The following MECOM variants were observed in gnomAD, a reference collection of about 807,000 sequenced individuals.
MECOM encodes histone-lysine N-methyltransferase MECOM.
Under a neutral mutation model 116.3 loss-of-function variants are expected in MECOM, and 13 were observed. That is an observed-to-expected ratio of 0.11 (90% CI 0.07 to 0.18). MECOM has a LOEUF of 0.18. Among genes scored for constraint, MECOM ranks in the 10% least tolerant of loss-of-function variants. MECOM has a pLI of 1.00. For missense variants in MECOM, 1,299 were observed against 1,509.0 expected, an observed-to-expected ratio of 0.86 and a Z score of 2.31; for synonymous variants, 528 against 535.2, an observed-to-expected ratio of 0.99 and a Z score of 0.19.
At chr3:169,638,216 AT>A (rs1218782217) in intron 1 of MECOM, among the ~76,000 whole-genome samples, 4 of 152,136 alleles carry the variant, frequency 2.6e-5, no homozygotes, top group Non-Finnish European at 5.9e-5. Context: ...TTAGTACTAC[AT>A]TTCAAATTTT....
intron 3 of MECOM, among the ~76,000 whole-genome samples, chr3:169,140,273 G>A (rs538942214): frequency 5.3e-5 from 8 of 152,054 alleles, no homozygotes; most frequent in South Asian, 4.2e-4. Context: ...GCTAAACACC[G>A]TGCCACAGCC....
intron 1 of MECOM, among the ~76,000 whole-genome samples, chr3:169,520,130 G>A (rs1281364839): frequency 6.6e-6 from 1 of 152,192 alleles, no homozygotes; most frequent in African/African-American, 2.4e-5. Flanking sequence ...TAACCAACAT[G>A]GAAGAAAGCA....
chr3:169,194,303 G>C (rs930736310), intron 2 of MECOM, among the ~76,000 whole-genome samples: 1 of 151,972 alleles, frequency 6.6e-6, no homozygotes, highest in Non-Finnish European at 1.5e-5. Flanking sequence ...ATCACACACC[G>C]GGGCCCGTTG....
intron 2 of MECOM, among the ~76,000 whole-genome samples, chr3:169,287,062 G>A (rs1713471130): frequency 6.6e-6 from 1 of 152,122 alleles, no homozygotes; most frequent in African/African-American, 2.4e-5. Context: ...TCGGCAGCTG[G>A]AGTCCTATTT....
intron 2 of MECOM, among the ~76,000 whole-genome samples, chr3:169,161,983 C>G (rs774006441): frequency 1.2e-4 from 19 of 152,332 alleles, no homozygotes; most frequent in Non-Finnish European, 2.2e-4. Context: ...TGGACCACAA[C>G]TGCCCAGCTA....
In MECOM at chr3:169,378,516, A is replaced by G. The variant is rs868237941; in HGVS notation, c.375+2671T>C. Among the ~76,000 whole-genome samples the G allele has an allele frequency of 3.3e-3, 64 of 19,578 alleles. 5 individuals carry two copies. Among genetic ancestry groups the G allele is most frequent in the African/African-American group, 0.01 (40 of 3,856 alleles). The allele number at this position is 19,578 out of a possible 152,430, so 12.8% of individuals were successfully genotyped here. On this transcript the variant is annotated intron_variant, in intron 2 of 16. Transcript: ENST00000651503. ...AAGAAAGAAAGAAAGAAAGAAAGAAAAGAAAGAAAGAAAGAAAGAAAGAAA... is the reference window on the plus strand; with the variant it reads ...AAGAAAGAAAGAAAGAAAGAAAGAAGAGAAAGAAAGAAAGAAAGAAAGAAA...
chr3:169,434,595 C>T (rs1180636350), intron 1 of MECOM, among the ~76,000 whole-genome samples: 3 of 152,044 alleles, frequency 2.0e-5, no homozygotes, highest in African/African-American at 7.2e-5. Flanking sequence ...AGATTTATTT[C>T]TATAGCAAGT....
At chr3:169,596,139 T>C (rs1238469728) in intron 1 of MECOM, among the ~76,000 whole-genome samples, 1 of 152,228 alleles carries the variant, frequency 6.6e-6, no homozygotes, top group East Asian at 1.9e-4. Flanking sequence ...AAAGGTGTAG[T>C]TTATTTAATT....
At chr3:169,203,911 A>C (rs1749544651) in intron 2 of MECOM, among the ~76,000 whole-genome samples, 1 of 152,222 alleles carries the variant, frequency 6.6e-6, no homozygotes, top group Non-Finnish European at 1.5e-5. Flanking sequence ...TTTCCATGTG[A>C]ATATCTGCAC....
intron 1 of MECOM, among the ~76,000 whole-genome samples, chr3:169,531,662 T>C (rs138211466): frequency 1.5e-3 from 236 of 152,306 alleles, no homozygotes; most frequent in African/African-American, 5.0e-3. Context: ...TCTGCTAAAA[T>C]TGACCTTCAG....
chr3:169,137,002 G>A (rs1411919675), intron 3 of MECOM, among the ~76,000 whole-genome samples: 1 of 152,052 alleles, frequency 6.6e-6, no homozygotes, highest in African/African-American at 2.4e-5. Flanking sequence ...TATACTCCCA[G>A]CAAAATCTGT....
intron 1 of MECOM, among the ~76,000 whole-genome samples, chr3:169,474,381 T>A (rs1010812542): frequency 3.9e-5 from 6 of 152,230 alleles, no homozygotes; most frequent in Non-Finnish European, 8.8e-5. Context: ...ATATACGGTT[T>A]ATTAATATAG....
At chr3:169,103,578 T>G (rs965944768) in intron 10 of MECOM, among the ~76,000 whole-genome samples, 1 of 152,180 alleles carries the variant, frequency 6.6e-6, no homozygotes, top group African/African-American at 2.4e-5. Context: ...ACTGAGATGA[T>G]CACTGCAAAT....
chr3:169,120,161 C>A (rs3851378), intron 7 of MECOM, among the ~76,000 whole-genome samples: 134,768 of 152,238 alleles, frequency 0.89, 59,784 homozygotes, highest in Admixed American at 0.9. Context: ...ACGTTTGTAG[C>A]ACAACTCAAT....
In MECOM at chr3:169,133,599, G is replaced by T. The variant is rs1735439803; in HGVS notation, c.511-2068C>A. ...GTTATAATATAACCTAAGATTCTTT[G>T]TATTTGTCCACAGATAGAATCCAGA... On this transcript the variant is annotated intron_variant, in intron 3 of 16. Transcript: ENST00000651503. The T allele has an allele frequency of 3.2e-5, 6 of 187,020 alleles. No individual in the cohort carries two copies. The South Asian group carries it at 6.8e-4, about 21-fold the overall frequency. 11.6% of individuals were successfully genotyped at this position (187,020 alleles called of 1,614,324 possible).
intron 2 of MECOM, among the ~76,000 whole-genome samples, chr3:169,380,860 C>T (rs368192941): frequency 3.9e-5 from 6 of 152,270 alleles, no homozygotes; most frequent in Admixed American, 6.5e-5. Context: ...TATGATTATG[C>T]TTGTTTGCTA....
intron 3 of MECOM, among the ~76,000 whole-genome samples, chr3:169,142,836 T>C (rs140225363): frequency 6.6e-6 from 1 of 152,136 alleles, no homozygotes; most frequent in African/African-American, 2.4e-5. Context: ...GATTTCATAG[T>C]AGATTTGCCA....
intron 2 of MECOM, among the ~76,000 whole-genome samples, chr3:169,210,221 A>T (rs1750535957): frequency 1.3e-5 from 2 of 152,072 alleles, no homozygotes; most frequent in African/African-American, 4.8e-5. Context: ...AGGACAAATA[A>T]GCTAATGTAT....
At chr3:169,551,995 AG>A (rs1435221563) in intron 1 of MECOM, among the ~76,000 whole-genome samples, 1 of 152,094 alleles carries the variant, frequency 6.6e-6, no homozygotes, top group African/African-American at 2.4e-5. Flanking sequence ...TGAAATGTCC[AG>A]AATAGGCAAA....
Sources: allele counts gnomAD v4.1 joint callset (sites outside exome capture counted in the v4.1 genomes callset), GRCh38; gene constraint gnomAD v4.1.1; transcripts MANE v1.5; gene names NCBI Gene and HGNC (gene_info 2026-07-23, HGNC 2026-07-21).